Variants in TNIK observed in about 807,000 individuals in gnomAD.
The protein encoded by TNIK is TRAF2 and NCK-interacting protein kinase.
A neutral mutation model predicts 191.3 loss-of-function variants in TNIK; 49 were observed. The ratio of observed to expected loss-of-function variants is 0.26; its 90% CI spans 0.20 to 0.32. The LOEUF (loss-of-function observed/expected upper bound fraction) is 0.32, where lower values mean the gene tolerates loss of function less well. Ranked by LOEUF, TNIK falls within the 10% of genes least tolerant of loss-of-function variation. The pLI is 1.00. For missense variants in TNIK, 1,155 were observed against 1,702.3 expected (o/e 0.68, Z 5.66); for synonymous variants, 594 against 600.9 (o/e 0.99, Z 0.17).
chr3:171,397,971 C>A (rs1283325311), intron 1 of TNIK, among the ~76,000 whole-genome samples: 1 of 152,130 alleles, frequency 6.6e-6, no homozygotes, highest in African/African-American at 2.4e-5. Context: ...TTATTCTTAA[C>A]CACACTGCTG....
In TNIK at chr3:171,061,618, T is replaced by G. The variant is rs950394217; in HGVS notation, c.*2263A>C. 2.0e-5 allele frequency: 3 copies of G among 152,088 alleles called. No individual in the cohort carries two copies. The highest frequency in any genetic ancestry group is 7.2e-5 in the African/African-American group (3 of 41,412). 9.4% of individuals were successfully genotyped at this position (152,088 alleles called of 1,614,324 possible). On this transcript the variant is annotated 3_prime_UTR_variant, in exon 33 of 33. Coordinates refer to ENST00000436636, the MANE Select transcript of TNIK (RefSeq NM_015028.4). The stretch of plus-strand genomic sequence containing the variant: ...TTAGAAATAAAAACAAAACAAAACA[T>G]AAAAACAAAGATCAGTTTGCAACAT...
chr3:171,357,423 G>T (rs148958148), intron 2 of TNIK, among the ~76,000 whole-genome samples: 3 of 151,804 alleles, frequency 2.0e-5, no homozygotes, highest in Non-Finnish European at 4.4e-5. Flanking sequence ...CGAGTAGCTG[G>T]GATTACAGGC....
intron 2 of TNIK, among the ~76,000 whole-genome samples, chr3:171,259,413 T>C (rs1264919404): frequency 1.3e-5 from 2 of 152,196 alleles, no homozygotes; most frequent in Non-Finnish European, 2.9e-5. Flanking sequence ...CTGAACACTC[T>C]GCCTGGTGGC....
intron 2 of TNIK, among the ~76,000 whole-genome samples, chr3:171,257,577 G>A (rs1747041931): frequency 6.6e-6 from 1 of 152,166 alleles, no homozygotes; most frequent in African/African-American, 2.4e-5. Context: ...TCTCAGAATG[G>A]AAAACAACAT....
In TNIK at chr3:171,188,683, C is replaced by G. The variant is rs527901633; in HGVS notation, c.639+19G>C. 59 of 1,611,912 alleles carry G rather than the reference C, an allele frequency of 3.7e-5. No individual in the cohort carries two copies. The highest frequency in any genetic ancestry group is 4.2e-5 in the Non-Finnish European group (50 of 1,178,562). On this transcript the variant is annotated intron_variant, in intron 7 of 32. Coordinates refer to ENST00000436636, the MANE Select transcript of TNIK (RefSeq NM_015028.4). ...TAAGATGGTAGGCATAGTTTTGAAA[C>G]ACGACAAAGAAGCCATACCTTGAAA...
intron 1 of TNIK, among the ~76,000 whole-genome samples, chr3:171,379,647 T>C (rs1338074846): frequency 6.6e-6 from 1 of 152,146 alleles, no homozygotes; most frequent in Non-Finnish European, 1.5e-5. Context: ...AAGACAGATA[T>C]TGGAGAAGGA....
intron 15 of TNIK, among the ~76,000 whole-genome samples, chr3:171,131,013 G>T (rs1342659493): frequency 1.3e-5 from 2 of 150,732 alleles, no homozygotes; most frequent in Admixed American, 6.6e-5. Context: ...CAGCAACAAG[G>T]CCCCAGTCTA....
chr3:171,101,883 ATATGTGTACATATGTG>A, intron 21 of TNIK: 1 of 387,450 alleles, frequency 2.6e-6, no homozygotes. Context: ...TCCTGAATAT[ATATGTGTACATATGTG>A]TATGTACACA....
intron 9 of TNIK, among the ~76,000 whole-genome samples, chr3:171,174,024 C>G (rs1200685040): frequency 6.6e-6 from 1 of 152,176 alleles, no homozygotes; most frequent in Non-Finnish European, 1.5e-5. Context: ...CACAATGACC[C>G]TCTGCAGAGG....
chr3:171,211,551 G>A (rs1740823157), intron 3 of TNIK, among the ~76,000 whole-genome samples: 1 of 152,140 alleles, frequency 6.6e-6, no homozygotes, highest in Non-Finnish European at 1.5e-5. Context: ...AAAATTCACT[G>A]TAGGCCTCTG....
chr3:171,379,690 C>T lies in TNIK; in HGVS notation c.58-10005G>A, dbSNP rs537300378. 2.6e-5 allele frequency among the ~76,000 whole-genome samples: 4 copies of T among 152,296 alleles called. No homozygotes were observed. The South Asian group carries it at 8.3e-4, about 32-fold the overall frequency. On this transcript the variant is annotated intron_variant, in intron 1 of 32. Transcript: ENST00000436636. ...CTCCATCACCTCCTGTAATTTTTCT[C>T]AGCTCTTCTAAAAAAGTCTTTTAAG...
chr3:171,160,443 T>C (rs566043106), intron 11 of TNIK, among the ~76,000 whole-genome samples: 1 of 151,832 alleles, frequency 6.6e-6, no homozygotes, highest in East Asian at 1.9e-4. Context: ...TAGGGTCCAC[T>C]CCTTGGATGG....
chr3:171,229,768 T>C (rs943440854), intron 2 of TNIK, among the ~76,000 whole-genome samples: 4 of 152,060 alleles, frequency 2.6e-5, no homozygotes, highest in Non-Finnish European at 4.4e-5. Context: ...TCTGCTGCCC[T>C]TTTTTTCCTC....
intron 5 of TNIK, among the ~76,000 whole-genome samples, chr3:171,194,093 A>C (rs977143242): frequency 3.9e-5 from 6 of 152,228 alleles, no homozygotes; most frequent in African/African-American, 1.2e-4. Flanking sequence ...TATGGTGGGA[A>C]GGTATTACAC....
At chr3:171,214,419 TCAGAATTGCCACCCACAGTGG>T (rs907141919) in intron 3 of TNIK, among the ~76,000 whole-genome samples, 10 of 152,282 alleles carry the variant, frequency 6.6e-5, no homozygotes, top group African/African-American at 1.7e-4. Flanking sequence ...GTAGCACCTA[TCAGAATTGCCACCCACAGTGG>T]CAGAATTGCC....
intron 2 of TNIK, among the ~76,000 whole-genome samples, chr3:171,324,111 T>C (rs1755482124): frequency 6.7e-6 from 1 of 149,246 alleles, no homozygotes; most frequent in Non-Finnish European, 1.5e-5. Context: ...AGCTGGTCAT[T>C]CCCAAGCAGA....
At chr3:171,283,094 A>G (rs922831891) in intron 2 of TNIK, among the ~76,000 whole-genome samples, 6 of 152,096 alleles carry the variant, frequency 3.9e-5, no homozygotes, top group Non-Finnish European at 8.8e-5. Context: ...CAAATTGTGT[A>G]AACTGGATAT....
chr3:171,307,240 A>T (rs1753554166), intron 2 of TNIK, among the ~76,000 whole-genome samples: 1 of 152,138 alleles, frequency 6.6e-6, no homozygotes, highest in Admixed American at 6.5e-5. Context: ...ATTCTGTGCT[A>T]CCACTCTGGG....
chr3:171,396,967 A>C (rs1174613258), intron 1 of TNIK, among the ~76,000 whole-genome samples: 1 of 152,206 alleles, frequency 6.6e-6, no homozygotes, highest in Non-Finnish European at 1.5e-5. Flanking sequence ...TTTTCAGACC[A>C]ATGACTTCCA....
Sources: gnomAD v4.1 joint callset for allele counts (sites outside exome capture counted in the v4.1 genomes callset) on GRCh38, gnomAD v4.1.1 for gene constraint, MANE v1.5 for transcripts, NCBI Gene and HGNC (gene_info 2026-07-23, HGNC 2026-07-21) for gene names.